Variants in DST observed in about 807,000 individuals in gnomAD.
DST encodes the protein bullous pemphigoid antigen.
DST carries 253 observed loss-of-function variants against 875.2 expected under a neutral mutation model. The observed-to-expected ratio is 0.29, with a 90% CI of 0.26 to 0.32. DST has a LOEUF of 0.32. Ranked by LOEUF, DST falls within the 10% of genes least tolerant of loss-of-function variation. DST has a pLI of 1.00. For missense variants in DST, 8,287 were observed against 9,111.6 expected (o/e 0.91, Z 3.68); for synonymous variants, 3,124 against 3,197.1 (o/e 0.98, Z 0.77).
chr6:56,787,119 C>T (rs113469340), intron 4 of DST, among the ~76,000 whole-genome samples: 2 of 152,156 alleles, frequency 1.3e-5, no homozygotes, highest in African/African-American at 4.8e-5. Flanking sequence ...ACATGAGGAA[C>T]TGGAGACACA....
At chr6:56,846,261 C>T (rs915648807) in intron 4 of DST, among the ~76,000 whole-genome samples, 5 of 152,182 alleles carry the variant, frequency 3.3e-5, no homozygotes, top group African/African-American at 4.8e-5. Flanking sequence ...TCACCACAAC[C>T]ATGACCCTTT....
chr6:56,899,961 G>A (rs1054856909), intron 3 of DST, among the ~76,000 whole-genome samples: 2 of 152,208 alleles, frequency 1.3e-5, no homozygotes, highest in Admixed American at 1.3e-4. Flanking sequence ...GTGGAGGGAC[G>A]CACAGGCCTC....
At chr6:56,611,447 C>T (rs538595020) in intron 38 of DST, 61 bp downstream of exon 38, 25 of 1,207,482 alleles carry the variant, frequency 2.1e-5, no homozygotes, top group Non-Finnish European at 2.9e-5. Context: ...CTCTGTTTTG[C>T]TGAAAGCTTT....
At chr6:56,539,636 A>T (rs1164320976) in intron 61 of DST, among the ~76,000 whole-genome samples, 1 of 152,202 alleles carries the variant, frequency 6.6e-6, no homozygotes. Flanking sequence ...CTGAACTTCA[A>T]TCTGAGTGGG....
At chr6:56,821,305 A>G (rs935261091) in intron 4 of DST, among the ~76,000 whole-genome samples, 6 of 152,210 alleles carry the variant, frequency 3.9e-5, no homozygotes, top group African/African-American at 1.4e-4. Context: ...TCAGCTAAGT[A>G]CTTCGATTCA....
intron 4 of DST, among the ~76,000 whole-genome samples, chr6:56,826,969 T>A (rs1341769805): frequency 6.6e-6 from 1 of 152,162 alleles, no homozygotes; most frequent in Non-Finnish European, 1.5e-5. Context: ...TAAGTGCTTT[T>A]AGAAGACTGT....
At chr6:56,779,089 G>C (rs1265228599) in intron 4 of DST, among the ~76,000 whole-genome samples, 7 of 152,096 alleles carry the variant, frequency 4.6e-5, no homozygotes, top group South Asian at 2.1e-4. Context: ...ACTGGTGTGA[G>C]ATGGTATCTC....
chr6:56,480,475 T>C (rs1258421328), intron 90 of DST, among the ~76,000 whole-genome samples: 4 of 152,212 alleles, frequency 2.6e-5, no homozygotes, highest in African/African-American at 9.7e-5. Flanking sequence ...AACCTTACCT[T>C]ACTGGTTTGT....
At position 56,553,354 on chromosome 6, in the gene DST, A is replaced by G. The variant is rs1239612694; in HGVS notation, c.15438T>C (p.Asn5146=). The G allele has an allele frequency of 6.2e-7, 1 of 1,609,228 alleles. No individual in the cohort carries two copies. Among genetic ancestry groups the G allele is most frequent in the South Asian group, 1.1e-5 (1 of 89,760 alleles). The part of the protein sequence containing the change: ...LQLQLNTIKT[N]WDTFNKQVKE... ...TCACCTGCTTATTAAATGTATCCCA[A>G]TTGGTTTTAATTGTATTAAGCTGTA... Residue 5146 remains asparagine, a synonymous_variant, in exon 61 of 104, where the codon AAT becomes AAC. Transcript: ENST00000680361.
intron 85 of DST, among the ~76,000 whole-genome samples, chr6:56,491,164 T>C (rs2095724652): frequency 6.6e-6 from 1 of 152,210 alleles, no homozygotes; most frequent in African/African-American, 2.4e-5. Flanking sequence ...ACACCTCCCA[T>C]TCAAAATGGG....
intron 17 of DST, among the ~76,000 whole-genome samples, chr6:56,640,834 A>G (rs1010246317): frequency 2.5e-4 from 38 of 152,286 alleles, no homozygotes; most frequent in African/African-American, 9.1e-4. Flanking sequence ...GTATGCCTAA[A>G]CGGCTCAAAA....
At chr6:56,762,127 TCTC>T (rs1282961500) in intron 4 of DST, among the ~76,000 whole-genome samples, 1 of 152,058 alleles carries the variant, frequency 6.6e-6, no homozygotes, top group East Asian at 1.9e-4. Context: ...CTCAAGCAAT[TCTC>T]CTGTTTCAGC....
chr6:56,790,959 A>T (rs2099721097), intron 4 of DST, among the ~76,000 whole-genome samples: 1 of 152,194 alleles, frequency 6.6e-6, no homozygotes, highest in Non-Finnish European at 1.5e-5. Flanking sequence ...TAATCAACCT[A>T]ACAAATTCCT....
At chr6:56,469,245 T>G (rs558287868) in intron 97 of DST, among the ~76,000 whole-genome samples, 24 of 152,248 alleles carry the variant, frequency 1.6e-4, no homozygotes, top group Admixed American at 3.3e-4. Flanking sequence ...ATGATTATTT[T>G]TTTAAGTATA....
intron 4 of DST, among the ~76,000 whole-genome samples, chr6:56,783,779 G>A (rs1289201186): frequency 1.3e-5 from 2 of 152,126 alleles, no homozygotes; most frequent in Non-Finnish European, 2.9e-5. Flanking sequence ...GATGTTAGCT[G>A]GTTATTTTGC....
Position 56,701,944 on chromosome 6 carries a change from G to T in DST, c.898C>A (p.Arg300Ser), listed in dbSNP as rs756030058. 1 of 1,610,814 alleles carries T rather than the reference G, an allele frequency of 6.2e-7. No individual in the cohort carries two copies. The highest frequency in any genetic ancestry group is 8.5e-7 in the Non-Finnish European group (1 of 1,177,720). ...TGTACATTCTGTAGTCTGTGAAAAC[G>T]CATCCGACCTTTTTCTCTGGGCTAA... ...DKGPREKGRM[R>S]FHRLQNVQIA... Residue 300 changes from arginine (R) to serine (S), a missense_variant, in exon 8 of 104, where the codon CGT becomes AGT. Physicochemically the swap from Arg to Ser is moderately radical, Grantham distance 110. This residue lies in a region of DST where 1,160 missense variants were observed against 1,424.3 expected (regional missense o/e 0.81). Coordinates refer to ENST00000680361, the MANE Select transcript of DST (RefSeq NM_001374736.1).
At chr6:56,597,507 ATCTT>A (rs1327519006) in intron 47 of DST, among the ~76,000 whole-genome samples, 1 of 152,166 alleles carries the variant, frequency 6.6e-6, no homozygotes, top group East Asian at 1.9e-4. Context: ...TTATTATTAA[ATCTT>A]TATAATAATT....
chr6:56,684,545 C>T (rs2099171123), intron 9 of DST, among the ~76,000 whole-genome samples: 1 of 152,156 alleles, frequency 6.6e-6, no homozygotes, highest in African/African-American at 2.4e-5. Context: ...GAGGTGACGT[C>T]ATTTGCGTAG....
intron 10 of DST, among the ~76,000 whole-genome samples, chr6:56,664,593 C>T (rs1341368382): frequency 6.6e-6 from 1 of 152,112 alleles, no homozygotes; most frequent in Non-Finnish European, 1.5e-5. Flanking sequence ...CTACTTTATC[C>T]TCTCTTGCTT....
Sources: allele counts gnomAD v4.1 joint callset (sites outside exome capture counted in the v4.1 genomes callset), GRCh38; gene constraint gnomAD v4.1.1; regional missense constraint gnomAD v4.1.1; transcripts MANE v1.5; gene names NCBI Gene and HGNC (gene_info 2026-07-23, HGNC 2026-07-21).